The following CACNA1B variants were observed in gnomAD, a reference collection of about 807,000 sequenced individuals.
The protein encoded by CACNA1B is voltage-dependent N-type calcium channel subunit alpha-1B.
CACNA1B carries 70 observed loss-of-function variants against 247.2 expected under a neutral mutation model. The ratio of observed to expected loss-of-function variants is 0.28; its 90% CI spans 0.23 to 0.35. CACNA1B has a LOEUF of 0.35. CACNA1B is among the 10% of genes least tolerant of loss of function. The pLI, the probability that CACNA1B is intolerant of heterozygous loss-of-function variation, is 1.00. For synonymous variants in CACNA1B, 1,231 were observed against 1,294.4 expected (o/e 0.95, Z 1.05); for missense variants, 2,367 against 3,197.4 (o/e 0.74, Z 6.26).
intron 3 of CACNA1B, among the ~76,000 whole-genome samples, chr9:137,912,186 C>T (rs770877479): frequency 6.6e-6 from 1 of 152,192 alleles, no homozygotes; most frequent in East Asian, 1.9e-4. Context: ...TAAAGATACA[C>T]ACTTGGGAAT....
intron 15 of CACNA1B, among the ~76,000 whole-genome samples, chr9:137,995,538 A>G (rs1348903573): frequency 2.0e-5 from 3 of 152,234 alleles, no homozygotes; most frequent in East Asian, 3.8e-4. Flanking sequence ...TCAACTCAAG[A>G]TGGTCAAAGA....
chr9:138,048,270 A>G (rs1003189819), intron 23 of CACNA1B, among the ~76,000 whole-genome samples: 4 of 152,160 alleles, frequency 2.6e-5, no homozygotes, highest in African/African-American at 9.7e-5. Context: ...CAGAGCCAGG[A>G]TGTGAGTGAA....
At chr9:137,949,175 TCCA>T (rs2133332682) in intron 6 of CACNA1B, among the ~76,000 whole-genome samples, 2 of 1,324 alleles carry the variant, frequency 1.5e-3, no homozygotes, top group African/African-American at 2.4e-3. Flanking sequence ...CGCTTGTGTG[TCCA>T]GTGTGTGTGT....
intron 36 of CACNA1B, among the ~76,000 whole-genome samples, chr9:138,095,661 T>C (rs937955741): frequency 6.6e-6 from 1 of 152,188 alleles, no homozygotes. Context: ...CATAGAAACT[T>C]GTACATGAAT....
At chr9:137,885,386 G>A (rs1663981381) in intron 3 of CACNA1B, among the ~76,000 whole-genome samples, 1 of 152,208 alleles carries the variant, frequency 6.6e-6, no homozygotes, top group African/African-American at 2.4e-5. Context: ...GGGAGCCCAG[G>A]GAGGAACCCT....
At chr9:137,886,375 C>A (rs1304811593) in intron 3 of CACNA1B, among the ~76,000 whole-genome samples, 1 of 152,342 alleles carries the variant, frequency 6.6e-6, no homozygotes, top group Non-Finnish European at 1.5e-5. Flanking sequence ...GCCACCACTT[C>A]CCTGCCTTCG....
rs967735536 is a variant in CACNA1B at position 138,011,810 on chromosome 9, G to A, written c.2161-1319G>A. 6.6e-6 allele frequency among the ~76,000 whole-genome samples: 1 copy of A among 152,172 alleles called. No homozygotes were observed. Among genetic ancestry groups the A allele is most frequent in the African/African-American group, 2.4e-5 (1 of 41,432 alleles). Reference sequence around the variant, plus strand: ...AACAAGGGACTTAGTTTCTGCCAGCGTTGCGCCCCGAATGCAGATTCAAGG... The same window carrying A: ...AACAAGGGACTTAGTTTCTGCCAGCATTGCGCCCCGAATGCAGATTCAAGG... On this transcript the variant is annotated intron_variant, in intron 17 of 46. Transcript: ENST00000371372. The surrounding 1 kb of genome is among the most constrained non-coding windows in gnomAD (Gnocchi z 4.2).
rs189480607 is a variant in CACNA1B, at chr9:138,086,714, G to A, written c.5094+8456G>A. Among the ~76,000 whole-genome samples the A allele has an allele frequency of 8.4e-3, 1,277 of 151,256 alleles. 75 individuals are homozygous for A. Among genetic ancestry groups the A allele is most frequent in the African/African-American group, 0.03 (1,221 of 40,940 alleles). On this transcript the variant is annotated intron_variant, in intron 36 of 46. Coordinates refer to ENST00000371372, the MANE Select transcript of CACNA1B (RefSeq NM_000718.4). ...TAGATTCCAGCACAGTGTCATTTGC[G>A]GATTTCCGTACCCTATGCTCCGCAT...
Position 138,100,969 on chromosome 9 carries a change from C to T in CACNA1B, c.5223-1742C>T. 4.9e-6 allele frequency: 2 copies of T among 410,188 alleles called. No homozygotes were observed. Among genetic ancestry groups the T allele is most frequent in the Non-Finnish European group, 1.0e-5 (2 of 198,438 alleles). 25.4% of individuals were successfully genotyped at this position (410,188 alleles called of 1,614,324 possible). A position where few individuals can be genotyped will look rare whatever the true frequency, so the allele number is the denominator to read the frequency against. ...CAAGCCCCAGTACCCCGGCGAGGTG[C>T]CACCTGTCCAGTGCACCCCTCACCT... On this transcript the variant is annotated intron_variant, in intron 37 of 46. Coordinates refer to ENST00000371372, the MANE Select transcript of CACNA1B (RefSeq NM_000718.4). This position sits in a 1 kb window ranked among gnomAD's most constrained non-coding sequence, Gnocchi z 4.6.
intron 5 of CACNA1B, among the ~76,000 whole-genome samples, chr9:137,915,348 C>T (rs765702560): frequency 2.0e-5 from 3 of 152,178 alleles, no homozygotes; most frequent in Admixed American, 6.5e-5. Flanking sequence ...TAGAAGATCT[C>T]AATCCAGCAG....
In CACNA1B at chr9:138,053,930, G is replaced by A. The variant is rs778050908; in HGVS notation, c.3892G>A (p.Val1298Ile). The A allele has an allele frequency of 1.9e-6, 3 of 1,613,566 alleles. No homozygotes were observed. Among genetic ancestry groups the A allele is most frequent in the Non-Finnish European group, 1.7e-6 (2 of 1,179,512 alleles). The change falls in exon 26 of 47, where the codon GTC becomes ATC. Residue 1298 changes from valine (V) to isoleucine (I), a missense_variant. This residue lies in a region of CACNA1B where 436 missense variants were observed against 679.5 expected (regional missense o/e 0.64). Coordinates refer to ENST00000371372, the MANE Select transcript of CACNA1B (RefSeq NM_000718.4). ...VYMLFMFIFA[V>I]IAVQLFKGKF... ...CATGCTCTTCATGTTCATATTTGCCGTCATTGCGGTGCAGCTCTTCAAAGG... is the reference window on the plus strand; with the variant it reads ...CATGCTCTTCATGTTCATATTTGCCATCATTGCGGTGCAGCTCTTCAAAGG...
chr9:138,048,472 A>G (rs1218830870), intron 23 of CACNA1B, among the ~76,000 whole-genome samples: 1 of 152,182 alleles, frequency 6.6e-6, no homozygotes, highest in Non-Finnish European at 1.5e-5. Flanking sequence ...CAAGCCATGT[A>G]GGGATATTTG....
intron 39 of CACNA1B, among the ~76,000 whole-genome samples, chr9:138,111,696 T>C (rs1354599806): frequency 6.6e-6 from 1 of 152,220 alleles, no homozygotes; most frequent in Non-Finnish European, 1.5e-5. Context: ...ATTCCTCTGC[T>C]CAAAACCCTC....
rs1020368073 is a variant in CACNA1B, at chr9:137,973,743, C to T, written c.1543+2151C>T. ...GTAGGATGCATGATACAAGAGTGTA[C>T]GAATGAATGCCCTTTCTGGGCCTCA... On this transcript the variant is annotated intron_variant, in intron 11 of 46. Coordinates refer to ENST00000371372, the MANE Select transcript of CACNA1B (RefSeq NM_000718.4). This position sits in a 1 kb window ranked among gnomAD's most constrained non-coding sequence, Gnocchi z 4.1. Among the ~76,000 whole-genome samples, 6 of 152,152 alleles carry T rather than the reference C, an allele frequency of 3.9e-5. No individual in the cohort carries two copies. Among genetic ancestry groups the T allele is most frequent in the African/African-American group, 9.7e-5 (4 of 41,424 alleles).
chr9:138,097,931 A>C (rs1488612684), intron 37 of CACNA1B, among the ~76,000 whole-genome samples: 1 of 151,822 alleles, frequency 6.6e-6, no homozygotes, highest in African/African-American at 2.4e-5. Flanking sequence ...GAGCACCCCC[A>C]CCTTCCTAGT....
rs115284067 is a variant in CACNA1B, at chr9:137,923,376, C to T, written c.966+5945C>T. Among the ~76,000 whole-genome samples, 703 of 147,706 alleles carry T rather than the reference C, an allele frequency of 4.8e-3. 3 individuals are homozygous for T. Among genetic ancestry groups the T allele is most frequent in the African/African-American group, 0.017 (678 of 39,090 alleles). On this transcript the variant is annotated intron_variant, in intron 6 of 46. Transcript: ENST00000371372. ...TATTCCGTGGCTCCAGGTGGTATTCCGTGGCACCAGGTGGTATTCCGTGGT... is the reference window on the plus strand; with the variant it reads ...TATTCCGTGGCTCCAGGTGGTATTCTGTGGCACCAGGTGGTATTCCGTGGT...
intron 6 of CACNA1B, among the ~76,000 whole-genome samples, chr9:137,927,210 T>C (rs542205230): frequency 1.7e-4 from 26 of 151,792 alleles, no homozygotes; most frequent in South Asian, 1.0e-3. Flanking sequence ...TTAATTTTTG[T>C]ATATGGTGTT....
intron 3 of CACNA1B, among the ~76,000 whole-genome samples, chr9:137,906,340 A>G (rs771899319): frequency 6.6e-6 from 1 of 152,144 alleles, no homozygotes; most frequent in Non-Finnish European, 1.5e-5. Context: ...CAGAAAAGCT[A>G]TAAGGTGAAG....
In CACNA1B at chr9:138,122,834, C is replaced by A. The variant is rs1217748083; in HGVS notation, c.*835C>A. The A allele has an allele frequency of 6.6e-6, 1 of 152,244 alleles. No individual in the cohort carries two copies. Among genetic ancestry groups the A allele is most frequent in the Non-Finnish European group, 1.5e-5 (1 of 68,056 alleles). 9.4% of individuals were successfully genotyped at this position (152,244 alleles called of 1,614,324 possible). On this transcript the variant is annotated 3_prime_UTR_variant, in exon 47 of 47. Coordinates refer to ENST00000371372, the MANE Select transcript of CACNA1B (RefSeq NM_000718.4). ...TTGACCAAGTGCCTGACCGCCAGGC[C>A]CTCACACCCAGGCTCCTGGGCACTG... is the stretch of plus-strand genomic sequence containing the variant.
Sources: gnomAD v4.1 joint callset for allele counts (sites outside exome capture counted in the v4.1 genomes callset) on GRCh38, gnomAD v4.1.1 for gene constraint, gnomAD v4.1.1 regional missense constraint, Gnocchi (gnomAD v3.1) non-coding constraint, MANE v1.5 for transcripts, NCBI Gene and HGNC (gene_info 2026-07-23, HGNC 2026-07-21) for gene names.